ZFAT: variants seen among roughly 807,000 people sequenced by gnomAD.
The protein encoded by ZFAT is zinc finger protein ZFAT.
A neutral mutation model predicts 117.7 loss-of-function variants in ZFAT; 64 were observed. The observed-to-expected ratio is 0.54, with a 90% CI of 0.44 to 0.67. The LOEUF (loss-of-function observed/expected upper bound fraction) is 0.67, where lower values mean the gene tolerates loss of function less well. Ranked by LOEUF, ZFAT falls within the 30% of genes least tolerant of loss-of-function variation. The pLI is 0.00. For missense variants in ZFAT, 1,433 were observed against 1,584.5 expected, an observed-to-expected ratio of 0.90 and a Z score of 1.62; for synonymous variants, 679 against 615.0, an observed-to-expected ratio of 1.10 and a Z score of -1.54.
intron 15 of ZFAT, among the ~76,000 whole-genome samples, chr8:134,500,341 T>C (rs1175289737): frequency 6.6e-6 from 1 of 152,178 alleles, no homozygotes; most frequent in Non-Finnish European, 1.5e-5. Context: ...TCTTGGGGCA[T>C]AATAACAGAA....
rs764390798 is a variant in ZFAT, at chr8:134,509,693, C to T, written c.3418G>A (p.Ala1140Thr). The change falls in exon 15 of 16, where the codon GCC (alanine) becomes ACC (threonine). Residue 1140 changes from alanine (A) to threonine (T), a missense_variant. Physicochemically the swap from Ala to Thr is moderately conservative, Grantham distance 58. Around this residue, in one of 5 missense-constraint regions of ZFAT, gnomAD observed 503 missense variants for 543.4 expected, o/e 0.93. Coordinates refer to ENST00000377838, the MANE Select transcript of ZFAT (RefSeq NM_020863.4). ...NILQQIIELG[A>T]ETHDATALAS... ...AGGGCAGTGGCGTCATGGGTCTCGG[C>T]GCCCAGCTCAATGATCTGCTGCAGG... 5.6e-6 allele frequency: 9 copies of T among 1,611,612 alleles called. No individual in the cohort carries two copies. Among genetic ancestry groups the T allele is most frequent in the South Asian group, 4.4e-5 (4 of 90,984 alleles).
intron 10 of ZFAT, among the ~76,000 whole-genome samples, chr8:134,572,576 C>T (rs561431573): frequency 6.6e-6 from 1 of 152,316 alleles, no homozygotes; most frequent in East Asian, 1.9e-4. Flanking sequence ...CATCTTTCTC[C>T]CTCTTCTTCA....
intron 10 of ZFAT, among the ~76,000 whole-genome samples, chr8:134,566,554 T>C (rs1037045570): frequency 1.3e-5 from 2 of 152,130 alleles, no homozygotes; most frequent in Non-Finnish European, 2.9e-5. Flanking sequence ...TGTAACCAAA[T>C]GTAAATGTGG....
chr8:134,730,995 A>G, the ZFAT span, among the ~76,000 whole-genome samples: 2 of 152,212 alleles, frequency 1.3e-5, no homozygotes, highest in Non-Finnish European at 2.9e-5. Flanking sequence ...TGAATGCTCT[A>G]TTGCCGGAGG....
At chr8:134,733,368 G>A in the ZFAT span, among the ~76,000 whole-genome samples, 1 of 152,216 alleles carries the variant, frequency 6.6e-6, no homozygotes, top group African/African-American at 2.4e-5. Context: ...ATTGGAGTTT[G>A]AGACTCCCTG....
chr8:134,713,518 G>C (rs113710672), upstream of ZFAT, among the ~76,000 whole-genome samples: 228 of 152,278 alleles, frequency 1.5e-3, 1 homozygote, highest in African/African-American at 5.3e-3. Context: ...TGGGCCACCC[G>C]GCTGGGTTTT....
intron 1 of ZFAT, among the ~76,000 whole-genome samples, chr8:134,679,147 A>G (rs1832943604): frequency 6.6e-6 from 1 of 152,260 alleles, no homozygotes; most frequent in East Asian, 1.9e-4. Context: ...CAGAGTCAAC[A>G]GGCAACCTAC....
intron 5 of ZFAT, among the ~76,000 whole-genome samples, chr8:134,605,164 T>G (rs1827789035): frequency 6.6e-6 from 1 of 152,210 alleles, no homozygotes. Flanking sequence ...AGTGAACTGA[T>G]GCCAGAGCTT....
At chr8:134,599,589 A>G (rs2130916364) in intron 7 of ZFAT, 2 of 362,270 alleles carry the variant, frequency 5.5e-6, no homozygotes, top group Admixed American at 8.0e-5. Flanking sequence ...TACTCACCAC[A>G]CCCAAACACC....
the ZFAT span, among the ~76,000 whole-genome samples, chr8:134,813,422 C>A: frequency 2.0e-5 from 3 of 151,922 alleles, no homozygotes; most frequent in Admixed American, 1.3e-4. Flanking sequence ...CCATCTAATT[C>A]TTTTTTTTGA....
At chr8:134,631,043 T>C (rs534966685) in intron 3 of ZFAT, among the ~76,000 whole-genome samples, 1 of 152,210 alleles carries the variant, frequency 6.6e-6, no homozygotes, top group Non-Finnish European at 1.5e-5. Context: ...TTCTGCATAT[T>C]TTAGAGCTTC....
chr8:134,586,048 G>A (rs978696742), intron 9 of ZFAT, among the ~76,000 whole-genome samples: 1 of 152,088 alleles, frequency 6.6e-6, no homozygotes, highest in African/African-American at 2.4e-5. Context: ...ACGGAGACAA[G>A]GGATATTTTA....
chr8:134,540,522 T>C (rs1822173548), intron 11 of ZFAT, among the ~76,000 whole-genome samples: 1 of 152,212 alleles, frequency 6.6e-6, no homozygotes, highest in Non-Finnish European at 1.5e-5. Flanking sequence ...CGGGACCTTG[T>C]GTAGGAGGCT....
chr8:134,829,158 A>G, the ZFAT span, among the ~76,000 whole-genome samples: 3 of 152,348 alleles, frequency 2.0e-5, no homozygotes, highest in African/African-American at 7.2e-5. Flanking sequence ...ATTAGGCTTC[A>G]ATGTACTCCT....
chr8:134,600,091 C>A, intron 7 of ZFAT: 2 of 363,198 alleles, frequency 5.5e-6, no homozygotes, highest in Non-Finnish European at 1.0e-5. Flanking sequence ...TCAGTAGGAG[C>A]TATTACTGTT....
At chr8:134,708,847 G>A (rs769991600) in intron 1 of ZFAT, among the ~76,000 whole-genome samples, 1 of 152,206 alleles carries the variant, frequency 6.6e-6, no homozygotes, top group African/African-American at 2.4e-5. Context: ...AGCTACTTGG[G>A]AGGCTGAGGC....
At chr8:134,582,509 G>A (rs902797005) in intron 10 of ZFAT, among the ~76,000 whole-genome samples, 2 of 152,224 alleles carry the variant, frequency 1.3e-5, no homozygotes, top group African/African-American at 4.8e-5. Flanking sequence ...TTGTGGAGGC[G>A]TAGAATCATA....
intron 11 of ZFAT, among the ~76,000 whole-genome samples, chr8:134,549,389 C>A (rs1020271019): frequency 2.0e-5 from 3 of 150,104 alleles, no homozygotes; most frequent in Non-Finnish European, 4.4e-5. Context: ...TGCAGTGAGC[C>A]GAGATCACGC....
the ZFAT span, among the ~76,000 whole-genome samples, chr8:134,813,801 T>TAC: frequency 0.044 from 6,536 of 147,080 alleles, 154 homozygotes; most frequent in South Asian, 0.073. Context: ...TTTGATTTTA[T>TAC]ACACACACAC....
Sources: allele counts gnomAD v4.1 joint callset (sites outside exome capture counted in the v4.1 genomes callset), GRCh38; gene constraint gnomAD v4.1.1; regional missense constraint gnomAD v4.1.1; transcripts MANE v1.5; gene names NCBI Gene and HGNC (gene_info 2026-07-23, HGNC 2026-07-21).